Variants in SLIT3 observed in about 807,000 individuals in gnomAD.
The protein encoded by SLIT3 is slit homolog 3 protein.
A neutral mutation model predicts 184.0 loss-of-function variants in SLIT3; 68 were observed. That is an observed-to-expected ratio of 0.37 (90% CI 0.30 to 0.45). The LOEUF is 0.45. Ranked by LOEUF, SLIT3 falls within the 20% of genes least tolerant of loss-of-function variation. The pLI is 1.00. For missense variants in SLIT3, 1,707 were observed against 2,026.0 expected (o/e 0.84, Z 3.02); for synonymous variants, 831 against 828.6 (o/e 1.00, Z -0.05).
At chr5:169,150,633 T>C (rs748765495) in intron 4 of SLIT3, among the ~76,000 whole-genome samples, 1 of 152,176 alleles carries the variant, frequency 6.6e-6, no homozygotes, top group Non-Finnish European at 1.5e-5. Flanking sequence ...CTTTGCCTTA[T>C]GGAGGCACCA....
intron 20 of SLIT3, among the ~76,000 whole-genome samples, chr5:168,727,776 T>A (rs1006942404): frequency 2.0e-5 from 3 of 151,948 alleles, no homozygotes; most frequent in Non-Finnish European, 2.9e-5. Context: ...GAGCAGACAC[T>A]GGGAGGGGGT....
At chr5:169,055,717 AGCTACTCGGGAG>A (rs1275799320) in intron 4 of SLIT3, among the ~76,000 whole-genome samples, 1 of 152,048 alleles carries the variant, frequency 6.6e-6, no homozygotes, top group Non-Finnish European at 1.5e-5. Flanking sequence ...CTGTAGTGCC[AGCTACTCGGGAG>A]GCTGAGGCAG....
chr5:168,763,040 G>T (rs1038839054), intron 14 of SLIT3, among the ~76,000 whole-genome samples: 5 of 152,128 alleles, frequency 3.3e-5, no homozygotes, highest in African/African-American at 1.2e-4. Flanking sequence ...CAGGTGTACA[G>T]TCTACGATTT....
intron 27 of SLIT3, among the ~76,000 whole-genome samples, chr5:168,697,564 C>T (rs1762099642): frequency 6.6e-6 from 1 of 152,198 alleles, no homozygotes; most frequent in South Asian, 2.1e-4. Flanking sequence ...TCTGGAATTT[C>T]AGGTTTCAGA....
chr5:169,246,390 G>A (rs1561764308), intron 2 of SLIT3, among the ~76,000 whole-genome samples: 1 of 152,188 alleles, frequency 6.6e-6, no homozygotes, highest in Non-Finnish European at 1.5e-5. Flanking sequence ...CCACAGCCAG[G>A]TAGGGTGGGC....
At chr5:168,684,750 G>A (rs983626596) in intron 31 of SLIT3, among the ~76,000 whole-genome samples, 6 of 152,110 alleles carry the variant, frequency 3.9e-5, no homozygotes, top group African/African-American at 9.6e-5. Flanking sequence ...GCTTACAGGC[G>A]TGAGCCACTG....
intron 4 of SLIT3, among the ~76,000 whole-genome samples, chr5:169,106,593 A>G (rs1760216917): frequency 6.6e-6 from 1 of 152,118 alleles, no homozygotes; most frequent in Non-Finnish European, 1.5e-5. Context: ...ATGCTTCACC[A>G]TCTCCGACAT....
chr5:168,803,828 C>A (rs1756855070), intron 9 of SLIT3, among the ~76,000 whole-genome samples: 2 of 152,070 alleles, frequency 1.3e-5, no homozygotes, highest in Non-Finnish European at 2.9e-5. Flanking sequence ...TGAGGGCTGG[C>A]AGGAATTCTG....
chr5:169,124,869 T>A (rs1156387371), intron 4 of SLIT3, among the ~76,000 whole-genome samples: 3 of 152,136 alleles, frequency 2.0e-5, no homozygotes, highest in Admixed American at 6.6e-5. Flanking sequence ...CCTGCCCTCT[T>A]CACATATGAG....
intron 4 of SLIT3, among the ~76,000 whole-genome samples, chr5:168,885,907 A>G (rs75630531): frequency 6.6e-6 from 1 of 152,230 alleles, no homozygotes; most frequent in East Asian, 1.9e-4. Context: ...ATATTTAAGC[A>G]GAAAAATCTG....
chr5:168,934,250 C>T (rs1762083203), intron 4 of SLIT3, among the ~76,000 whole-genome samples: 1 of 152,240 alleles, frequency 6.6e-6, no homozygotes, highest in African/African-American at 2.4e-5. Context: ...TGGGAAGCAT[C>T]TTCCTGAGGG....
At chr5:168,830,840 A>AATCT (rs1757858608) in intron 6 of SLIT3, among the ~76,000 whole-genome samples, 14 of 152,250 alleles carry the variant, frequency 9.2e-5, no homozygotes, top group Admixed American at 8.5e-4. Context: ...GTCTTCAGAC[A>AATCT]GACAGATGTC....
intron 33 of SLIT3, among the ~76,000 whole-genome samples, chr5:168,671,711 A>G (rs1232880501): frequency 6.6e-6 from 1 of 152,212 alleles, no homozygotes; most frequent in Non-Finnish European, 1.5e-5. Flanking sequence ...AATATGTAAT[A>G]TTAGAAAATT....
intron 1 of SLIT3, among the ~76,000 whole-genome samples, chr5:169,259,280 A>C (rs1007692556): frequency 6.6e-6 from 1 of 152,164 alleles, no homozygotes; most frequent in Non-Finnish European, 1.5e-5. Context: ...GCTGGTCTCG[A>C]ACTCCTGACC....
chr5:168,798,934 G>C (rs1265986023), intron 9 of SLIT3, among the ~76,000 whole-genome samples: 2 of 152,188 alleles, frequency 1.3e-5, no homozygotes, highest in East Asian at 3.8e-4. Flanking sequence ...AATTCACAAA[G>C]TCAGGGAGAG....
chr5:168,840,652 C>G (rs547701557), intron 6 of SLIT3, among the ~76,000 whole-genome samples: 1 of 152,236 alleles, frequency 6.6e-6, no homozygotes, highest in East Asian at 1.9e-4. Context: ...TGGAGAAAAC[C>G]TAGTGTTGTA....
At chr5:169,143,368 G>A (rs1318879631) in intron 4 of SLIT3, among the ~76,000 whole-genome samples, 1 of 152,178 alleles carries the variant, frequency 6.6e-6, no homozygotes, top group African/African-American at 2.4e-5. Context: ...TTCTTAAAGA[G>A]GTTAAATACC....
At chr5:168,878,161 GTC>G (rs1405995801) in intron 5 of SLIT3, among the ~76,000 whole-genome samples, 2 of 152,212 alleles carry the variant, frequency 1.3e-5, no homozygotes, top group Admixed American at 6.5e-5. Context: ...CGAACCGCCT[GTC>G]TCTCTTTAAA....
chr5:169,019,706 C>T (rs924358370), intron 4 of SLIT3, among the ~76,000 whole-genome samples: 1 of 152,200 alleles, frequency 6.6e-6, no homozygotes, highest in African/African-American at 2.4e-5. Context: ...CTCCAAAATA[C>T]TAAGGGTGGA....
Sources: gnomAD v4.1 joint callset for allele counts (sites outside exome capture counted in the v4.1 genomes callset) on GRCh38, gnomAD v4.1.1 for gene constraint, MANE v1.5 for transcripts, NCBI Gene and HGNC (gene_info 2026-07-23, HGNC 2026-07-21) for gene names.